FAM186B: variants seen among roughly 807,000 people sequenced by gnomAD.
FAM186B encodes the protein family with sequence similarity 186 member B.
A neutral mutation model predicts 83.4 loss-of-function variants in FAM186B; 68 were observed. The ratio of observed to expected loss-of-function variants is 0.81; its 90% CI spans 0.67 to 1.00. The LOEUF (loss-of-function observed/expected upper bound fraction) is 1.00, where lower values mean the gene tolerates loss of function less well. Ranked by LOEUF, FAM186B falls within the 50% of genes least tolerant of loss-of-function variation. FAM186B has a pLI of 0.00. For synonymous variants in FAM186B, 389 were observed against 422.0 expected (o/e 0.92, Z 0.96); for missense variants, 983 against 1,099.2 (o/e 0.89, Z 1.49).
chr12:49,587,391 A>G (rs1939467322), downstream of FAM186B: 2 of 607,496 alleles, frequency 3.3e-6, no homozygotes, highest in Non-Finnish European at 5.7e-6. Flanking sequence ...CACTAAGGAA[A>G]CCCTTCACCA....
chr12:49,613,567 C>T, the FAM186B span, among the ~76,000 whole-genome samples: 1 of 150,820 alleles, frequency 6.6e-6, no homozygotes, highest in Non-Finnish European at 1.5e-5. Flanking sequence ...TGGCCGGGCG[C>T]AGTGACTCAT....
In FAM186B at chr12:49,605,231, A is replaced by G. The variant is rs114141326; in HGVS notation, c.96+151T>C. On this transcript the variant is annotated intron_variant, in intron 1 of 6. Coordinates refer to ENST00000257894, the MANE Select transcript of FAM186B (RefSeq NM_032130.3). ...TATATGCCAAGTTTAGGAGAGAGAT[A>G]ATTTATACTAATCTGTCTGCAGACC... 1,431 of 1,478,330 alleles carry G rather than the reference A, an allele frequency of 9.7e-4. 14 individuals carry two copies. In the African/African-American group the frequency reaches 0.017, roughly 17 times the overall value. The allele number at this position is 1,478,330 out of a possible 1,614,324, so 91.6% of individuals were successfully genotyped here.
intron 5 of FAM186B, chr12:49,595,730 T>C: frequency 3.7e-6 from 1 of 273,870 alleles, no homozygotes. Flanking sequence ...ACGCCTGTAA[T>C]CCCAGCATTT....
rs759324336 is a variant in FAM186B, at chr12:49,588,585, C to G, written c.2403G>C (p.Glu801Asp). The G allele has an allele frequency of 4.9e-5, 78 of 1,605,842 alleles. 1 individual carries two copies. In the Middle Eastern group the frequency reaches 6.6e-4, roughly 14 times the overall value. ...LEWNVHLNIPEVTSPKPKKCK... is the reference protein window; with the variant it reads ...LEWNVHLNIPDVTSPKPKKCK... ...ATTTCTTTGGCTTTGGCGAGGTGAC[C>G]TCAGGGATGTTCAGGTGAACGTTCC... Residue 801 changes from glutamate to aspartate, a missense_variant, in exon 6 of 7, where the codon GAG becomes GAC. Transcript: ENST00000257894.
the FAM186B span, among the ~76,000 whole-genome samples, chr12:49,616,610 C>T: frequency 6.6e-6 from 1 of 152,134 alleles, no homozygotes; most frequent in Non-Finnish European, 1.5e-5. Context: ...ATGAAACAAG[C>T]CAGATACAAA....
chr12:49,594,064 C>T (rs1471825156), intron 5 of FAM186B: 1 of 195,270 alleles, frequency 5.1e-6, no homozygotes, highest in Non-Finnish European at 1.1e-5. Context: ...ACTAGAAAGA[C>T]ACTCAGAGTA....
rs767738196 is a variant in FAM186B at position 49,600,664 on chromosome 12, C to G, written c.976G>C (p.Gly326Arg). 1.2e-6 allele frequency: 2 copies of G among 1,614,146 alleles called. No homozygotes were observed. The highest frequency in any genetic ancestry group is 1.7e-6 in the Non-Finnish European group (2 of 1,180,018). Residue 326 changes from glycine (G) to arginine (R), a missense_variant, in exon 4 of 7, where the codon GGT becomes CGT. Physicochemically the swap from Gly to Arg is moderately radical, Grantham distance 125 (BLOSUM62 -2). Coordinates refer to ENST00000257894, the MANE Select transcript of FAM186B (RefSeq NM_032130.3). The surrounding 1 kb of genome is among the most constrained non-coding windows in gnomAD (Gnocchi z 4.3). ...ACCTCAGCCAGGTCTTCTGCCTGACCTGTAGCATTCTGAGCCTTCTTCAGC... is the reference window on the plus strand; with the variant it reads ...ACCTCAGCCAGGTCTTCTGCCTGACGTGTAGCATTCTGAGCCTTCTTCAGC... ...FQLKKAQNAT[G>R]QAEDLAEVSV...
intron 5 of FAM186B, among the ~76,000 whole-genome samples, chr12:49,591,657 C>A (rs939429086): frequency 1.3e-5 from 2 of 152,116 alleles, no homozygotes; most frequent in South Asian, 2.1e-4. Context: ...ATAGATTATT[C>A]TTTTCCCTTT....
Position 49,600,888 on chromosome 12 carries a change from T to A in FAM186B, c.752A>T (p.His251Leu). 1 of 1,614,168 alleles carries A rather than the reference T, an allele frequency of 6.2e-7. No homozygotes were observed. Among genetic ancestry groups the A allele is most frequent in the Non-Finnish European group, 8.5e-7 (1 of 1,180,004 alleles). ...GGTCTCCAGGCTCCTGTTCTCCTTG[T>A]GTTGGAGGATCAAGGCCTTGTTGAG... ...ENLNKALILQ[H>L]KENRSLETKY... The change falls in exon 4 of 7, where the codon CAC (histidine) becomes CTC (leucine). Residue 251 changes from histidine to leucine, a missense_variant. By Grantham distance (99) the His-to-Leu change is moderately conservative. Transcript: ENST00000257894. The surrounding 1 kb of genome is among the most constrained non-coding windows in gnomAD (Gnocchi z 4.3).
At chr12:49,583,026 CG>C (rs748893026), downstream of FAM186B, 1 of 456,200 alleles carries the variant, frequency 2.2e-6, no homozygotes, top group Non-Finnish European at 4.4e-6. Context: ...CCAGAGAGCT[CG>C]CTAGAGGACG....
Position 49,587,610 on chromosome 12 carries a change from C to A in FAM186B, c.2677G>T (p.Val893Leu), listed in dbSNP as rs550241950. 4 of 1,613,322 alleles carry A rather than the reference C, an allele frequency of 2.5e-6. No homozygotes were observed. Among genetic ancestry groups the A allele is most frequent in the Non-Finnish European group, 3.4e-6 (4 of 1,180,004 alleles). ...AGGCTTTTGTGGCAGGAGGACTACACGTCCAGTGTCAACAGCCGGGGAATA... is the reference window on the plus strand; with the variant it reads ...AGGCTTTTGTGGCAGGAGGACTACAAGTCCAGTGTCAACAGCCGGGGAATA... ...PDIPRLLTLD[V>L] is the part of the protein sequence containing the mutation. Residue 893 changes from valine to leucine, a missense_variant, in exon 7 of 7, where the codon GTG (valine) becomes TTG (leucine). Transcript: ENST00000257894.
chr12:49,595,802 T>TG (rs1464949107), intron 5 of FAM186B: 1 of 183,798 alleles, frequency 5.4e-6, no homozygotes, highest in African/African-American at 2.4e-5. Context: ...GCTAACACAG[T>TG]GAAAACCCGT....
chr12:49,587,815 C>G, intron 6 of FAM186B, 63 bp from the exon 7 acceptor site: 2 of 1,544,668 alleles, frequency 1.3e-6, no homozygotes, highest in Non-Finnish European at 1.7e-6. Context: ...GCAAGAGACT[C>G]TCCAGAGCCA....
the FAM186B span, chr12:49,619,588 G>T: frequency 1.5e-6 from 1 of 677,180 alleles, no homozygotes; most frequent in East Asian, 2.9e-5. Context: ...CCATGTATCG[G>T]GAATTCTGGG....
chr12:49,609,549 C>T (rs921182624), upstream of FAM186B, among the ~76,000 whole-genome samples: 1 of 152,212 alleles, frequency 6.6e-6, no homozygotes, highest in African/African-American at 2.4e-5. Flanking sequence ...TCGGAGCATC[C>T]GTTCACATGA....
rs896649632 is a variant in FAM186B, at chr12:49,600,005, C to T, written c.1635G>A (p.Arg545=). ...CCTCCCCTAGCTGCTCTGGCTCTCT[C>T]CGTGGGCTCTCCTGCTCCTTTTCTA... The part of the protein sequence containing the change: ...VQLEKEQESP[R]REPEQLGEDV... The change falls in exon 4 of 7, where the codon CGG becomes CGA. Residue 545 remains arginine, a synonymous_variant. Coordinates refer to ENST00000257894, the MANE Select transcript of FAM186B (RefSeq NM_032130.3). The surrounding 1 kb of genome is among the most constrained non-coding windows in gnomAD (Gnocchi z 4.3). The T allele has an allele frequency of 6.2e-7, 1 of 1,612,132 alleles. No individual in the cohort carries two copies. Among genetic ancestry groups the T allele is most frequent in the Non-Finnish European group, 8.5e-7 (1 of 1,179,146 alleles).
At chr12:49,595,332 T>A (rs1429816621) in intron 5 of FAM186B, 1 of 598,474 alleles carries the variant, frequency 1.7e-6, no homozygotes, top group African/African-American at 1.9e-5. Context: ...ACATAGTAGT[T>A]CTACCAGGAG....
intron 3 of FAM186B, 140 bp from the exon 4 acceptor site, chr12:49,601,274 C>T (rs537163017): frequency 1.7e-6 from 2 of 1,189,618 alleles, no homozygotes; most frequent in South Asian, 3.6e-5. Flanking sequence ...GTATATGGGG[C>T]CAGGGACAGT....
chr12:49,610,769 G>A, the FAM186B span, among the ~76,000 whole-genome samples: 4 of 139,632 alleles, frequency 2.9e-5, no homozygotes, highest in Non-Finnish European at 4.5e-5. Flanking sequence ...CAGCCTGGGC[G>A]ACAGAGCAAG....
Sources: gnomAD v4.1 joint callset for allele counts (sites outside exome capture counted in the v4.1 genomes callset) on GRCh38, gnomAD v4.1.1 for gene constraint, Gnocchi (gnomAD v3.1) non-coding constraint, MANE v1.5 for transcripts, NCBI Gene and HGNC (gene_info 2026-07-23, HGNC 2026-07-21) for gene names.